Variants in AUTS2 observed in about 807,000 individuals in gnomAD.
AUTS2 encodes activator of transcription and developmental regulator AUTS2, also known as autism susceptibility gene 2 protein.
In AUTS2, 17 loss-of-function variants were observed where a neutral mutation model predicts 112.4. That is an observed-to-expected ratio of 0.15 (90% CI 0.10 to 0.23). AUTS2 has a LOEUF of 0.23. AUTS2 is among the 10% of genes least tolerant of loss of function. AUTS2 has a pLI of 1.00. For synonymous variants in AUTS2, 751 were observed against 702.7 expected (o/e 1.07, Z -1.09); for missense variants, 1,510 against 1,701.6 (o/e 0.89, Z 1.98).
chr7:70,032,539 A>C (rs1364173074), intron 2 of AUTS2, among the ~76,000 whole-genome samples: 1 of 152,172 alleles, frequency 6.6e-6, no homozygotes, highest in Non-Finnish European at 1.5e-5. Flanking sequence ...CTTAAAAAAA[A>C]TAAAACAAAA....
chr7:70,056,075 C>G (rs1584648001), intron 2 of AUTS2, among the ~76,000 whole-genome samples: 1 of 152,112 alleles, frequency 6.6e-6, no homozygotes, highest in Non-Finnish European at 1.5e-5. Flanking sequence ...GCAACCTCCA[C>G]CTCCCGGGTT....
chr7:70,443,521 A>G lies in AUTS2; in HGVS notation c.690+7740A>G, dbSNP rs535391868. On this transcript the variant is annotated intron_variant, in intron 5 of 18. Coordinates refer to ENST00000342771, the MANE Select transcript of AUTS2 (RefSeq NM_015570.4). The stretch of plus-strand genomic sequence containing the variant: ...ATGTGATTGTATCTTCCCTTTGCCA[A>G]TGTGGAAAGAGGATTATATAAGAAT... 6.6e-5 allele frequency among the ~76,000 whole-genome samples: 10 copies of G among 152,336 alleles called. No individual in the cohort carries two copies. In the South Asian group the frequency reaches 2.1e-3, roughly 32 times the overall value.
intron 4 of AUTS2, among the ~76,000 whole-genome samples, chr7:70,193,071 G>A (rs768945078): frequency 2.0e-5 from 3 of 152,316 alleles, no homozygotes; most frequent in East Asian, 1.9e-4. Context: ...GATTCTTTTA[G>A]TTCATAATTG....
intron 2 of AUTS2, among the ~76,000 whole-genome samples, chr7:70,116,046 A>G (rs1434575566): frequency 1.3e-5 from 2 of 152,202 alleles, no homozygotes; most frequent in Admixed American, 6.5e-5. Flanking sequence ...TATTATCAAT[A>G]TAAAAGTGAA....
At chr7:70,760,205 C>T (rs939412754) in intron 6 of AUTS2, among the ~76,000 whole-genome samples, 8 of 152,186 alleles carry the variant, frequency 5.3e-5, no homozygotes, top group African/African-American at 9.7e-5. Context: ...CAGGGTTTCA[C>T]CGTGTTAGCC....
chr7:69,687,590 A>T (rs189132283), intron 1 of AUTS2, among the ~76,000 whole-genome samples: 6 of 152,356 alleles, frequency 3.9e-5, no homozygotes, highest in African/African-American at 1.4e-4. Context: ...CTAGAGCCTT[A>T]CGTTAAGAAA....
At chr7:70,576,169 C>A (rs1466338910) in intron 5 of AUTS2, among the ~76,000 whole-genome samples, 2 of 152,118 alleles carry the variant, frequency 1.3e-5, no homozygotes, top group Non-Finnish European at 2.9e-5. Context: ...GCCTAATCAC[C>A]AACACCAGTG....
intron 5 of AUTS2, among the ~76,000 whole-genome samples, chr7:70,488,582 A>T (rs923852900): frequency 2.0e-5 from 3 of 152,002 alleles, no homozygotes; most frequent in African/African-American, 7.2e-5. Context: ...CCAAGCCTTA[A>T]TGGGCCTCTT....
At chr7:70,474,814 A>G (rs1051186715) in intron 5 of AUTS2, among the ~76,000 whole-genome samples, 1 of 152,200 alleles carries the variant, frequency 6.6e-6, no homozygotes, top group Non-Finnish European at 1.5e-5. Context: ...ACTGTGAAGG[A>G]CCAGGAAACA....
At chr7:70,599,639 C>CG (rs1332241157) in intron 5 of AUTS2, among the ~76,000 whole-genome samples, 2 of 152,086 alleles carry the variant, frequency 1.3e-5, no homozygotes, top group African/African-American at 4.8e-5. Context: ...TAGCCAGTGG[C>CG]GTATTTATTA....
At chr7:70,584,734 T>C (rs575477495) in intron 5 of AUTS2, among the ~76,000 whole-genome samples, 1 of 152,358 alleles carries the variant, frequency 6.6e-6, no homozygotes, top group South Asian at 2.1e-4. Context: ...AGGCGAGTGC[T>C]GGCCTTGCTC....
intron 1 of AUTS2, among the ~76,000 whole-genome samples, chr7:69,893,386 A>G (rs1181227038): frequency 6.6e-6 from 1 of 152,184 alleles, no homozygotes; most frequent in Non-Finnish European, 1.5e-5. Context: ...CATTATTGGT[A>G]GAATCAGTGT....
chr7:70,773,815 C>T (rs559018836), intron 11 of AUTS2, among the ~76,000 whole-genome samples: 3 of 152,312 alleles, frequency 2.0e-5, no homozygotes. Context: ...GGACCTCTCT[C>T]TGCTTTTACA....
chr7:70,118,395 A>G lies in AUTS2; in HGVS notation c.624+162A>G, dbSNP rs896186353. ...CACATTATCTTTGTATACTTATTTG[A>G]GCATTGTAGTTATGGTGTCATTCTA... On this transcript the variant is annotated intron_variant, in intron 3 of 18. Coordinates refer to ENST00000342771, the MANE Select transcript of AUTS2 (RefSeq NM_015570.4). 8 of 851,022 alleles carry G rather than the reference A, an allele frequency of 9.4e-6. No homozygotes were observed. The African/African-American group carries it at 1.2e-4, about 13-fold the overall frequency. 52.7% of individuals were successfully genotyped at this position (851,022 alleles called of 1,614,324 possible). A position where few individuals can be genotyped will look rare whatever the true frequency, so the allele number is the denominator to read the frequency against.
At chr7:69,740,817 C>T (rs188900503) in intron 1 of AUTS2, among the ~76,000 whole-genome samples, 74 of 152,224 alleles carry the variant, frequency 4.9e-4, no homozygotes, top group Admixed American at 8.5e-4. Context: ...CCACTGCGCC[C>T]GGCCAGAAAT....
In AUTS2 at chr7:69,972,137, A is replaced by G. The variant is rs117099178; in HGVS notation, c.522+72639A>G. Among the ~76,000 whole-genome samples, 290 of 152,194 alleles carry G rather than the reference A, an allele frequency of 1.9e-3. 5 individuals carry two copies. In the East Asian group the frequency reaches 0.049, roughly 26 times the overall value. The stretch of plus-strand genomic sequence containing the variant: ...TCTGGTTTTTTATTTTAGCCATTCT[A>G]TTGGTGTGTACTGATGGTGTCCAGT... On this transcript the variant is annotated intron_variant, in intron 2 of 18. Coordinates refer to ENST00000342771, the MANE Select transcript of AUTS2 (RefSeq NM_015570.4).
chr7:70,746,115 A>G (rs905819022), intron 6 of AUTS2, among the ~76,000 whole-genome samples: 1 of 152,144 alleles, frequency 6.6e-6, no homozygotes, highest in African/African-American at 2.4e-5. Flanking sequence ...AGTTGTGTGT[A>G]TTAAAATATG....
At chr7:69,629,377 G>A (rs1459552559) in intron 1 of AUTS2, among the ~76,000 whole-genome samples, 1 of 152,138 alleles carries the variant, frequency 6.6e-6, no homozygotes, top group Non-Finnish European at 1.5e-5. Flanking sequence ...ATACCTGACA[G>A]ACCTTGCTAG....
intron 2 of AUTS2, among the ~76,000 whole-genome samples, chr7:70,009,529 A>G (rs543880777): frequency 1.3e-5 from 2 of 152,282 alleles, no homozygotes; most frequent in African/African-American, 4.8e-5. Flanking sequence ...CTAGATTCAA[A>G]ATGTTACTTT....
Sources: allele counts gnomAD v4.1 joint callset (sites outside exome capture counted in the v4.1 genomes callset), GRCh38; gene constraint gnomAD v4.1.1; transcripts MANE v1.5; gene names NCBI Gene and HGNC (gene_info 2026-07-23, HGNC 2026-07-21).